CDC73: variants seen among roughly 807,000 people sequenced by gnomAD.
CDC73 encodes the protein parafibromin.
CDC73 carries 21 observed loss-of-function variants against 83.7 expected under a neutral mutation model. The observed-to-expected ratio is 0.25, with a 90% CI of 0.18 to 0.36. The LOEUF (loss-of-function observed/expected upper bound fraction) is 0.36. Ranked by LOEUF, CDC73 falls within the 10% of genes least tolerant of loss-of-function variation. CDC73 has a pLI of 1.00. For missense variants in CDC73, 342 were observed against 653.3 expected (o/e 0.52, Z 5.19); for synonymous variants, 224 against 212.9 (o/e 1.05, Z -0.45).
chr1:193,217,008 ATT>A (rs1354531119), intron 13 of CDC73, among the ~76,000 whole-genome samples: 1 of 151,342 alleles, frequency 6.6e-6, no homozygotes, highest in Non-Finnish European at 1.5e-5. Flanking sequence ...AGCTGGAAGC[ATT>A]CCCCCTGAGA....
chr1:193,205,896 G>A (rs1484754707), intron 11 of CDC73, among the ~76,000 whole-genome samples: 1 of 152,124 alleles, frequency 6.6e-6, no homozygotes, highest in African/African-American at 2.4e-5. Context: ...GGAGGCAGTT[G>A]AACCACAGAT....
chr1:193,210,921 T>C (rs997588152), intron 11 of CDC73, among the ~76,000 whole-genome samples: 1 of 152,222 alleles, frequency 6.6e-6, no homozygotes, highest in African/African-American at 2.4e-5. Context: ...GCCTTAGATC[T>C]CAATAACTTC....
At chr1:193,131,719 G>A (rs1436724478) in intron 3 of CDC73, among the ~76,000 whole-genome samples, 1 of 152,100 alleles carries the variant, frequency 6.6e-6, no homozygotes, top group Non-Finnish European at 1.5e-5. Context: ...TCTATCTTGA[G>A]TTGTCTTTCT....
At chr1:193,148,506 A>G (rs999129929) in intron 8 of CDC73, among the ~76,000 whole-genome samples, 1 of 152,126 alleles carries the variant, frequency 6.6e-6, no homozygotes, top group Non-Finnish European at 1.5e-5. Context: ...TTTAAATTCA[A>G]ACATCCTCTA....
At chr1:193,199,156 T>G (rs1314547331) in intron 10 of CDC73, among the ~76,000 whole-genome samples, 2 of 152,230 alleles carry the variant, frequency 1.3e-5, no homozygotes, top group African/African-American at 4.8e-5. Context: ...AAAATTGTGC[T>G]TATTATTTAT....
In CDC73 at chr1:193,185,694, A is replaced by C. The variant is rs148848794; in HGVS notation, c.973-18101A>C. ...ATTCAGTTTGACCTAATTTGATAGAATATTGCTGTGTTTTTTGTAAAGGGC... is the reference window on the plus strand; with the variant it reads ...ATTCAGTTTGACCTAATTTGATAGACTATTGCTGTGTTTTTTGTAAAGGGC... On this transcript the variant is annotated intron_variant, in intron 10 of 16. Transcript: ENST00000367435. 5.3e-5 allele frequency among the ~76,000 whole-genome samples: 8 copies of C among 152,244 alleles called. No individual in the cohort carries two copies. The East Asian group carries it at 1.5e-3, about 29-fold the overall frequency.
rs1427716818 is a variant in CDC73 at position 193,157,881 on chromosome 1, G to T, written c.972+5437G>T. ...GAGGTTATTTAACCTTTCTATCAGT[G>T]ATTTTGTTTTTATTTTATAATATAT... On this transcript the variant is annotated intron_variant, in intron 10 of 16. Coordinates refer to ENST00000367435, the MANE Select transcript of CDC73 (RefSeq NM_024529.5). Among the ~76,000 whole-genome samples, 3 of 151,848 alleles carry T rather than the reference G, an allele frequency of 2.0e-5. No homozygotes were observed. In the East Asian group the frequency reaches 5.8e-4, roughly 29 times the overall value.
chr1:193,145,458 T>C (rs370035949), intron 7 of CDC73, among the ~76,000 whole-genome samples: 3 of 152,216 alleles, frequency 2.0e-5, no homozygotes, highest in East Asian at 1.9e-4. Context: ...TACAGCTGTC[T>C]TCTATTAAGC....
chr1:193,207,183 T>G (rs1337387167), intron 11 of CDC73, among the ~76,000 whole-genome samples: 1 of 152,088 alleles, frequency 6.6e-6, no homozygotes, highest in African/African-American at 2.4e-5. Flanking sequence ...TTATTAGGGA[T>G]TTTAAAAAGG....
intron 13 of CDC73, among the ~76,000 whole-genome samples, chr1:193,222,795 C>A (rs1364141215): frequency 1.3e-5 from 2 of 150,208 alleles, no homozygotes; most frequent in Non-Finnish European, 3.0e-5. Flanking sequence ...TTCCCCATCC[C>A]CCCTTTTTTC....
chr1:193,199,395 A>T (rs889638554), intron 10 of CDC73, among the ~76,000 whole-genome samples: 2 of 151,812 alleles, frequency 1.3e-5, no homozygotes, highest in African/African-American at 4.8e-5. Context: ...CTGATCCCTT[A>T]AAAAAAAGAC....
chr1:193,217,995 T>C (rs1251735837), intron 13 of CDC73, among the ~76,000 whole-genome samples: 1 of 152,220 alleles, frequency 6.6e-6, no homozygotes, highest in Admixed American at 6.5e-5. Context: ...ATTCCATACC[T>C]AGAAAACCCC....
chr1:193,148,642 T>TA (rs1157965131), intron 8 of CDC73, among the ~76,000 whole-genome samples: 1 of 122,304 alleles, frequency 8.2e-6, no homozygotes, highest in Non-Finnish European at 1.7e-5. Flanking sequence ...ATTTATAATT[T>TA]TTTTTTTTTT....
Position 193,141,789 on chromosome 1 carries a change from A to G in CDC73, c.513-61A>G, listed in dbSNP as rs1391088250. ...CAGAAATTTATAAATGTAACAAAAT[A>G]TATTTATGATACACTCCAGGAATGC... On this transcript the variant is annotated intron_variant, in intron 6 of 16. Coordinates refer to ENST00000367435, the MANE Select transcript of CDC73 (RefSeq NM_024529.5). 6 of 1,068,800 alleles carry G rather than the reference A, an allele frequency of 5.6e-6. No individual in the cohort carries two copies. In the African/African-American group the frequency reaches 7.9e-5, roughly 14 times the overall value. 66.2% of individuals were successfully genotyped at this position (1,068,800 alleles called of 1,614,324 possible). A position where few individuals can be genotyped will look rare whatever the true frequency, so the allele number is the denominator to read the frequency against.
intron 6 of CDC73, among the ~76,000 whole-genome samples, chr1:193,140,764 G>A (rs6665751): frequency 0.042 from 6,386 of 152,196 alleles, 427 homozygotes; most frequent in African/African-American, 0.15. Flanking sequence ...ACTCAGCACG[G>A]CACATAATTT....
At chr1:193,128,636 A>T (rs1327451273) in intron 2 of CDC73, among the ~76,000 whole-genome samples, 1 of 152,252 alleles carries the variant, frequency 6.6e-6, no homozygotes, top group Non-Finnish European at 1.5e-5. Context: ...AAGCACAAAA[A>T]AACTCTGCAC....
intron 2 of CDC73, among the ~76,000 whole-genome samples, chr1:193,126,886 A>G (rs1323481594): frequency 1.3e-5 from 2 of 152,158 alleles, no homozygotes; most frequent in Non-Finnish European, 2.9e-5. Flanking sequence ...GTGAAACTTA[A>G]CTTCTATAAC....
intron 15 of CDC73, among the ~76,000 whole-genome samples, chr1:193,241,782 C>G (rs1182269025): frequency 5.3e-5 from 8 of 152,242 alleles, no homozygotes; most frequent in Non-Finnish European, 7.3e-5. Context: ...TGCTCAGGCA[C>G]TGCTAGGGCG....
At chr1:193,165,318 A>G (rs558108459) in intron 10 of CDC73, among the ~76,000 whole-genome samples, 2 of 152,234 alleles carry the variant, frequency 1.3e-5, no homozygotes, top group Non-Finnish European at 2.9e-5. Flanking sequence ...AGCATTGTAT[A>G]AAAGTACTTA....
Sources: gnomAD v4.1 joint callset for allele counts (sites outside exome capture counted in the v4.1 genomes callset) on GRCh38, gnomAD v4.1.1 for gene constraint, MANE v1.5 for transcripts, NCBI Gene and HGNC (gene_info 2026-07-23, HGNC 2026-07-21) for gene names.